The following DMBT1 variants were observed in gnomAD, a reference collection of about 807,000 sequenced individuals.
DMBT1 encodes scavenger receptor cysteine-rich domain-containing protein DMBT1.
A neutral mutation model predicts 252.9 loss-of-function variants in DMBT1; 198 were observed. That is an observed-to-expected ratio of 0.78 (90% CI 0.70 to 0.88). The LOEUF is 0.88. Ranked by LOEUF, DMBT1 falls within the 40% of genes least tolerant of loss-of-function variation. DMBT1 has a pLI of 0.00. For missense variants in DMBT1, 2,432 were observed against 2,404.7 expected, an observed-to-expected ratio of 1.01 and a Z score of -0.24; for synonymous variants, 990 against 942.7, an observed-to-expected ratio of 1.05 and a Z score of -0.92.
intron 55 of DMBT1, 21 bp downstream of exon 55, chr10:122,640,470 A>G (rs557982087): frequency 1.9e-6 from 3 of 1,593,966 alleles, no homozygotes; most frequent in African/African-American, 1.3e-5. Context: ...TCTTTATGCG[A>G]TGGCCTTAAA....
chr10:122,597,251 A>T lies in DMBT1; in HGVS notation c.2917+197A>T, dbSNP rs185563207. ...TCAAGAGGCTTCTGTCTTCTGTTCC[A>T]TTTATCTCAGCTTTCATGAAGCAGT... is the stretch of plus-strand genomic sequence containing the variant. On this transcript the variant is annotated intron_variant, in intron 24 of 55. Coordinates refer to ENST00000338354, the MANE Select transcript of DMBT1 (RefSeq NM_001377530.1). 5.8e-3 allele frequency among the ~76,000 whole-genome samples: 875 copies of T among 151,910 alleles called. 43 individuals are homozygous for T. The East Asian group carries it at 0.13, about 23-fold the overall frequency.
intron 19 of DMBT1, 147 bp downstream of exon 19, chr10:122,591,664 G>A (rs189052942): frequency 6.2e-6 from 6 of 965,470 alleles, no homozygotes; most frequent in African/African-American, 6.2e-5. Context: ...AGTCTCTGGG[G>A]AACCAGTCCC....
chr10:122,597,472 C>T (rs2097893334), intron 24 of DMBT1, among the ~76,000 whole-genome samples: 1 of 152,168 alleles, frequency 6.6e-6, no homozygotes, highest in South Asian at 2.1e-4. Context: ...TCAGTGCAGG[C>T]CTGACACCTC....
chr10:122,597,868 A>C lies in DMBT1; in HGVS notation c.2918-106A>C, dbSNP rs1433402304. 7.7e-6 allele frequency: 12 copies of C among 1,550,816 alleles called. No individual in the cohort carries two copies. In the Admixed American group the frequency reaches 2.0e-4, roughly 26 times the overall value. On this transcript the variant is annotated intron_variant, in intron 24 of 55. Coordinates refer to ENST00000338354, the MANE Select transcript of DMBT1 (RefSeq NM_001377530.1). ...ACATGGGGAGCAAGTGGCAGGAACC[A>C]GAAGTGGGGTAGTTTTCATGATGTT...
rs969577717 is a variant in DMBT1, at chr10:122,640,410, A to G, written c.7313A>G (p.Asn2438Ser). Residue 2438 changes from asparagine to serine, a missense_variant, in exon 55 of 56, where the codon AAT becomes AGT. Physicochemically the swap from Asn to Ser is conservative, Grantham distance 46. Around this residue, in one of 3 missense-constraint regions of DMBT1, gnomAD observed 1,162 missense variants for 1,169.0 expected, o/e 0.99. Transcript: ENST00000338354. ...ACCTGCGTGGCATCACCATACTCCAATGACTTCACGTCTTTGACTTATGAT... is the reference window on the plus strand; with the variant it reads ...ACCTGCGTGGCATCACCATACTCCAGTGACTTCACGTCTTTGACTTATGAT... ...VDTCVASPYSNDFTSLTYDLI... is the reference protein window; with the variant it reads ...VDTCVASPYSSDFTSLTYDLI... 5.6e-6 allele frequency: 9 copies of G among 1,613,792 alleles called. No homozygotes were observed. Among genetic ancestry groups the G allele is most frequent in the South Asian group, 1.1e-5 (1 of 91,086 alleles).
chr10:122,570,658 G>A (rs186268026), intron 3 of DMBT1, among the ~76,000 whole-genome samples: 1 of 152,194 alleles, frequency 6.6e-6, no homozygotes, highest in Admixed American at 6.5e-5. Flanking sequence ...GGCTGTGGCA[G>A]CAGAAGAGGT....
rs1012658720 is a variant in DMBT1 at position 122,621,389 on chromosome 10, T to C, written c.5608+9T>C. ...TGGTGTCATCTGCTCAGGTGGGCCT[T>C]CAAGACCTGGGGCTCCCTCTCTTGG... On this transcript the variant is annotated intron_variant, in intron 44 of 55. Coordinates refer to ENST00000338354, the MANE Select transcript of DMBT1 (RefSeq NM_001377530.1). The C allele has an allele frequency of 4.3e-6, 7 of 1,613,698 alleles. No homozygotes were observed. Among genetic ancestry groups the C allele is most frequent in the Middle Eastern group, 1.6e-4 (1 of 6,078 alleles).
chr10:122,590,676 C>T lies in DMBT1; in HGVS notation c.2119C>T (p.Arg707Trp), dbSNP rs751135100. ...CCTCTTTCTCACAGCTGCCCAGTCC[C>T]GGTCGACGCCCAGGCCAGGTGAGTC... ...AGVICSAAQS[R>W]STPRPDTLST... Residue 707 changes from arginine to tryptophan, a missense_variant, in exon 18 of 56, where the codon CGG becomes TGG. By Grantham distance (101) the Arg-to-Trp change is moderately radical. Transcript: ENST00000338354. 2.8e-5 allele frequency: 44 copies of T among 1,587,728 alleles called. 3 individuals are homozygous for T. Among genetic ancestry groups the T allele is most frequent in the Admixed American group, 1.5e-4 (9 of 59,472 alleles).
chr10:122,600,403 C>A lies in DMBT1; in HGVS notation c.3310+310C>A, dbSNP rs190127216. Among the ~76,000 whole-genome samples the A allele has an allele frequency of 3.3e-3, 503 of 152,214 alleles. 3 individuals are homozygous for A. The highest frequency in any genetic ancestry group is 0.011 in the African/African-American group (449 of 41,520). ...AATGAGCTTTGGTCCTTTTATATTCCGGACTCACATATAGTTTCTGAAAAT... is the reference window on the plus strand; with the variant it reads ...AATGAGCTTTGGTCCTTTTATATTCAGGACTCACATATAGTTTCTGAAAAT... On this transcript the variant is annotated intron_variant, in intron 27 of 55. Transcript: ENST00000338354.
intron 24 of DMBT1, among the ~76,000 whole-genome samples, chr10:122,597,412 C>T (rs2097892421): frequency 6.6e-6 from 1 of 152,130 alleles, no homozygotes; most frequent in East Asian, 1.9e-4. Context: ...TCCTGGGTAG[C>T]CAATGTCAGC....
chr10:122,622,744 G>A (rs1236997572), intron 44 of DMBT1, among the ~76,000 whole-genome samples: 1 of 152,106 alleles, frequency 6.6e-6, no homozygotes, highest in East Asian at 1.9e-4. Flanking sequence ...TGTTCCTTTG[G>A]GGCGACGGGA....
In DMBT1 at chr10:122,592,247, A is replaced by G. The variant is rs747921184; in HGVS notation, c.2177-25A>G. Reference sequence around the variant, plus strand: ...TCCTTACCTCATGGTAGGGATGGATAAAGGGTTCTTGTGTTCCCCTGTAGG... The same window carrying G: ...TCCTTACCTCATGGTAGGGATGGATGAAGGGTTCTTGTGTTCCCCTGTAGG... On this transcript the variant is annotated intron_variant, in intron 19 of 55. Transcript: ENST00000338354. The G allele has an allele frequency of 4.4e-6, 7 of 1,584,074 alleles. 1 individual carries two copies. Among genetic ancestry groups the G allele is most frequent in the African/African-American group, 4.0e-5 (3 of 74,462 alleles).
rs376733032 is a variant in DMBT1 at position 122,631,133 on chromosome 10, A to T, written c.6198A>T (p.Gly2066=). Residue 2066 remains glycine, a synonymous_variant, in exon 49 of 56, where the codon GGA becomes GGT. Coordinates refer to ENST00000338354, the MANE Select transcript of DMBT1 (RefSeq NM_001377530.1). Reference sequence around the variant, plus strand: ...GTGGACGTGCAGTTTCAGCCCTTGGAAATGCATATTTTGGCTCTGGCTCTG... The same window carrying T: ...GTGGACGTGCAGTTTCAGCCCTTGGTAATGCATATTTTGGCTCTGGCTCTG... ...LGCGRAVSAL[G]NAYFGSGSGP... The T allele has an allele frequency of 3.7e-6, 6 of 1,613,830 alleles. No homozygotes were observed. The highest frequency in any genetic ancestry group is 1.6e-4 in the Middle Eastern group (1 of 6,082).
rs781361510 is a variant in DMBT1 at position 122,592,303 on chromosome 10, G to T, written c.2208G>T (p.Val736=). The T allele has an allele frequency of 6.9e-6, 11 of 1,587,496 alleles. No homozygotes were observed. In the Admixed American group the frequency reaches 1.5e-4, roughly 22 times the overall value. The change falls in exon 20 of 56, where the codon GTG becomes GTT. Residue 736 remains valine, a synonymous_variant. Coordinates refer to ENST00000338354, the MANE Select transcript of DMBT1 (RefSeq NM_001377530.1). ...GSESSLTLRL[V]NGSDRCQGRV... ...AATCCAGTTTGACCCTGAGGCTGGT[G>T]AATGGAAGTGACAGGTGTCAGGGCC...
Position 122,589,163 on chromosome 10 carries a change from A to T in DMBT1, c.2003A>T (p.Asp668Val), listed in dbSNP as rs1435550649. The T allele has an allele frequency of 6.9e-6, 11 of 1,588,200 alleles. 1 individual carries two copies. The East Asian group carries it at 2.6e-4, about 37-fold the overall frequency. The change falls in exon 17 of 56, where the codon GAT becomes GTT. Residue 668 changes from aspartate (D) to valine (V), a missense_variant. By Grantham distance (152) the Asp-to-Val change is radical (BLOSUM62 -3). Around this residue, in one of 3 missense-constraint regions of DMBT1, gnomAD observed 1,264 missense variants for 1,082.2 expected, o/e 1.17. Transcript: ENST00000338354. ...GGCTCAGGACCCATTGTCCTGGATGATGTGCGCTGCTCAGGACATGAGTCC... is the reference window on the plus strand; with the variant it reads ...GGCTCAGGACCCATTGTCCTGGATGTTGTGCGCTGCTCAGGACATGAGTCC... ...GQGSGPIVLDDVRCSGHESYL... is the reference protein window; with the variant it reads ...GQGSGPIVLDVVRCSGHESYL...
rs748616774 is a variant in DMBT1, at chr10:122,577,797, T to A, written c.608-14T>A. 32 of 1,613,330 alleles carry A rather than the reference T, an allele frequency of 2.0e-5. No individual in the cohort carries two copies. The highest frequency in any genetic ancestry group is 2.6e-5 in the Non-Finnish European group (31 of 1,179,562). ...GAGTGTTTGGTGTCTAATGTTGCTA[T>A]TTTTTTCTCACAGCTGCCCAGCCTC... On this transcript the variant is annotated splice_polypyrimidine_tract_variant and intron_variant, in intron 7 of 55. Coordinates refer to ENST00000338354, the MANE Select transcript of DMBT1 (RefSeq NM_001377530.1).
At chr10:122,626,392 C>A (rs1210895515) in intron 46 of DMBT1, among the ~76,000 whole-genome samples, 1 of 152,070 alleles carries the variant, frequency 6.6e-6, no homozygotes, top group Non-Finnish European at 1.5e-5. Context: ...TACAGATATG[C>A]CATGAATTAT....
intron 39 of DMBT1, among the ~76,000 whole-genome samples, chr10:122,616,780 G>A (rs1160304547): frequency 7.0e-5 from 1 of 14,334 alleles, no homozygotes; most frequent in South Asian, 1.7e-3. Context: ...TCCAGAAGAG[G>A]CAGGGTTTGT....
At chr10:122,642,266 G>A (rs1299276882) in intron 55 of DMBT1, among the ~76,000 whole-genome samples, 3 of 152,318 alleles carry the variant, frequency 2.0e-5, no homozygotes, top group Non-Finnish European at 4.4e-5. Context: ...GAAGACAGAA[G>A]GAGGGGAGCA....
Sources: gnomAD v4.1 joint callset for allele counts (sites outside exome capture counted in the v4.1 genomes callset) on GRCh38, gnomAD v4.1.1 for gene constraint, gnomAD v4.1.1 regional missense constraint, MANE v1.5 for transcripts, NCBI Gene and HGNC (gene_info 2026-07-23, HGNC 2026-07-21) for gene names.